ARHGEF26: variants seen among roughly 807,000 people sequenced by gnomAD.
ARHGEF26 encodes the protein Rho guanine nucleotide exchange factor 26, also known as Rho guanine nucleotide exchange factor (GEF) 26.
Under a neutral mutation model 89.4 loss-of-function variants are expected in ARHGEF26, and 59 were observed. That is an observed-to-expected ratio of 0.66 (90% confidence interval 0.54 to 0.82). The LOEUF (loss-of-function observed/expected upper bound fraction) is 0.82. Among genes scored for constraint, ARHGEF26 ranks in the 40% least tolerant of loss-of-function variants. ARHGEF26 has a pLI of 0.00. For synonymous variants in ARHGEF26, 500 were observed against 428.4 expected (o/e 1.17, Z -2.06); for missense variants, 1,234 against 1,085.6 (o/e 1.14, Z -1.92).
chr3:154,253,128 C>T lies in ARHGEF26; in HGVS notation c.2313C>T (p.Ala771=). 2 of 1,613,958 alleles carry T rather than the reference C, an allele frequency of 1.2e-6. No individual in the cohort carries two copies. The highest frequency in any genetic ancestry group is 1.7e-6 in the Non-Finnish European group (2 of 1,179,872). Residue 771 remains alanine (A), a synonymous_variant, in exon 13 of 15, where the codon GCC becomes GCT. Coordinates refer to ENST00000465093, the MANE Select transcript of ARHGEF26 (RefSeq NM_015595.4). ...LLGAETQSER[A]RWITALGHSS... ...CCCTCTGTTTTAGGAGCGAGCGAGC[C>T]CGCTGGATAACTGCCCTGGGACACA... is the stretch of plus-strand genomic sequence containing the variant.
chr3:154,218,593 ACT>A (rs1348443035), intron 10 of ARHGEF26, among the ~76,000 whole-genome samples: 5 of 152,106 alleles, frequency 3.3e-5, no homozygotes, highest in Admixed American at 6.6e-5. Context: ...CACGATTGTG[ACT>A]CTATTGTTTT....
chr3:154,186,136 GACACACAC>G (rs60675240), intron 6 of ARHGEF26, among the ~76,000 whole-genome samples: 2 of 146,926 alleles, frequency 1.4e-5, no homozygotes, highest in African/African-American at 5.0e-5. Context: ...CACACACTTA[GACACACAC>G]ACACACACAC....
At chr3:154,247,966 G>A (rs1717901594) in intron 12 of ARHGEF26, among the ~76,000 whole-genome samples, 1 of 152,164 alleles carries the variant, frequency 6.6e-6, no homozygotes, top group Admixed American at 6.5e-5. Flanking sequence ...AGAGGAATGT[G>A]GGAGCCAGAG....
Position 154,257,821 on chromosome 3 carries a change from T to TA in ARHGEF26, c.*2349dup, listed in dbSNP as rs1718614996. 6.6e-6 allele frequency: 1 copy of TA among 152,248 alleles called. No homozygotes were observed. The highest frequency in any genetic ancestry group is 6.5e-5 in the Admixed American group (1 of 15,286). The allele number at this position is 152,248 out of a possible 1,614,324, so 9.4% of individuals were successfully genotyped here. A position where few individuals can be genotyped will look rare whatever the true frequency, so the allele number is the denominator to read the frequency against. On this transcript the variant is annotated 3_prime_UTR_variant, in exon 15 of 15. Transcript: ENST00000465093. ...TGTGAATTTATAAAGATTTTGTAGATACTTGTCCTTTTGTGCTGGTGTGAT... is the reference window on the plus strand; with the variant it reads ...TGTGAATTTATAAAGATTTTGTAGATAACTTGTCCTTTTGTGCTGGTGTGAT...
chr3:154,187,947 A>G, intron 7 of ARHGEF26, 110 bp downstream of exon 7: 2 of 1,086,812 alleles, frequency 1.8e-6, no homozygotes, highest in Non-Finnish European at 2.5e-6. Context: ...GCCTCCTGAT[A>G]GGCTATTTCC....
intron 9 of ARHGEF26, among the ~76,000 whole-genome samples, chr3:154,202,953 A>G (rs144243420): frequency 0.01 from 1,544 of 152,242 alleles, 31 homozygotes; most frequent in African/African-American, 0.035. Flanking sequence ...AACAGGGACA[A>G]TTTGACTTCC....
chr3:154,158,609 A>G (rs1711505582), intron 6 of ARHGEF26, among the ~76,000 whole-genome samples: 2 of 152,092 alleles, frequency 1.3e-5, no homozygotes, highest in South Asian at 4.2e-4. Flanking sequence ...CTCTGACTCA[A>G]ATTCATGAGC....
intron 11 of ARHGEF26, 105 bp downstream of exon 11, chr3:154,226,115 G>T: frequency 9.7e-7 from 1 of 1,033,226 alleles, no homozygotes; most frequent in Non-Finnish European, 1.3e-6. Flanking sequence ...AATGTTGGAA[G>T]TATAGTTTCT....
chr3:154,216,030 A>G (rs947062811), intron 9 of ARHGEF26, among the ~76,000 whole-genome samples: 4 of 152,162 alleles, frequency 2.6e-5, no homozygotes, highest in African/African-American at 9.7e-5. Flanking sequence ...AAAAAAAGAG[A>G]AAGTGTATGA....
chr3:154,227,033 C>G (rs61585119), intron 11 of ARHGEF26, among the ~76,000 whole-genome samples: 9,224 of 152,182 alleles, frequency 0.061, 945 homozygotes, highest in African/African-American at 0.21. Context: ...AAAATTCAAA[C>G]TAAATTAAAA....
chr3:154,253,960 T>TG (rs1163825479), intron 13 of ARHGEF26, among the ~76,000 whole-genome samples: 1 of 152,164 alleles, frequency 6.6e-6, no homozygotes, highest in African/African-American at 2.4e-5. Flanking sequence ...TGTTTTGAGA[T>TG]GGAGTCTCGC....
At position 154,122,073 on chromosome 3, in the gene ARHGEF26, C is replaced by T; in HGVS notation, c.81C>T (p.His27=). 1 of 1,612,926 alleles carries T rather than the reference C, an allele frequency of 6.2e-7. No individual in the cohort carries two copies. The highest frequency in any genetic ancestry group is 1.1e-5 in the South Asian group (1 of 90,880). ...GGAGGCGGTCGATTCCTCAGCCCCA[C>T]CAGGTTCTGGGCCGGAGCAAGCCGA... The part of the protein sequence containing the change: ...LWRRRSIPQP[H]QVLGRSKPRP... Residue 27 remains histidine (H), a synonymous_variant, in exon 2 of 15, where the codon CAC becomes CAT. Transcript: ENST00000465093.
At chr3:154,189,334 ATTT>A (rs35633646) in intron 7 of ARHGEF26, among the ~76,000 whole-genome samples, 5 of 112,254 alleles carry the variant, frequency 4.5e-5, no homozygotes, top group Admixed American at 1.1e-4. Flanking sequence ...AGTTGATGTG[ATTT>A]TTTTTTTTTT....
intron 6 of ARHGEF26, among the ~76,000 whole-genome samples, chr3:154,164,486 G>A (rs1711875093): frequency 6.6e-6 from 1 of 151,932 alleles, no homozygotes; most frequent in Non-Finnish European, 1.5e-5. Context: ...ATTTCAAAAA[G>A]GTTTCGGGAA....
chr3:154,149,287 C>T, intron 4 of ARHGEF26, 102 bp from the exon 5 acceptor site: 2 of 724,190 alleles, frequency 2.8e-6, no homozygotes, highest in Admixed American at 2.9e-5. Flanking sequence ...ATAGTTTCTC[C>T]TAATTCATTT....
chr3:154,257,046 CAT>C lies in ARHGEF26; in HGVS notation c.*1574_*1575del. The C allele has an allele frequency of 2.8e-6, 4 of 1,421,752 alleles. No individual in the cohort carries two copies. Among genetic ancestry groups the C allele is most frequent in the Non-Finnish European group, 3.7e-6 (4 of 1,088,814 alleles). 88.1% of individuals were successfully genotyped at this position (1,421,752 alleles called of 1,614,324 possible). A position where few individuals can be genotyped will look rare whatever the true frequency, so the allele number is the denominator to read the frequency against. On this transcript the variant is annotated 3_prime_UTR_variant, in exon 15 of 15. Transcript: ENST00000465093. ...TTGGAGGACTCAAATCTGTATGTGA[CAT>C]GTCCCAACTACTGTCCGCTAACTAG...
chr3:154,133,261 C>G (rs558993468), intron 4 of ARHGEF26, among the ~76,000 whole-genome samples: 3 of 152,046 alleles, frequency 2.0e-5, no homozygotes, highest in Non-Finnish European at 2.9e-5. Context: ...AGGCAGTGTT[C>G]AGCTATACAG....
At chr3:154,205,432 G>A (rs1714958142) in intron 9 of ARHGEF26, among the ~76,000 whole-genome samples, 1 of 152,034 alleles carries the variant, frequency 6.6e-6, no homozygotes, top group Non-Finnish European at 1.5e-5. Flanking sequence ...GTAGGCAACA[G>A]ATCAATCAGT....
chr3:154,122,021 C>T lies in ARHGEF26; in HGVS notation c.29C>T (p.Ser10Phe). Reference sequence around the variant, plus strand: ...GACGGCGAGAGCGAGGTGGATTTTTCTAGCAACAGCATAACCCCTTTGTGG... The same window carrying T: ...GACGGCGAGAGCGAGGTGGATTTTTTTAGCAACAGCATAACCCCTTTGTGG... MDGESEVDF[S>F]SNSITPLWRR... The change falls in exon 2 of 15, where the codon TCT (serine) becomes TTT (phenylalanine). Residue 10 changes from serine to phenylalanine, a missense_variant. Ser to Phe is a radical substitution (Grantham distance 155). Coordinates refer to ENST00000465093, the MANE Select transcript of ARHGEF26 (RefSeq NM_015595.4). 1 of 1,595,676 alleles carries T rather than the reference C, an allele frequency of 6.3e-7. No homozygotes were observed. The highest frequency in any genetic ancestry group is 8.6e-7 in the Non-Finnish European group (1 of 1,165,578).
Sources: gnomAD v4.1 joint callset for allele counts (sites outside exome capture counted in the v4.1 genomes callset) on GRCh38, gnomAD v4.1.1 for gene constraint, MANE v1.5 for transcripts, NCBI Gene and HGNC (gene_info 2026-07-23, HGNC 2026-07-21) for gene names.